Variants in CUBN observed in about 807,000 individuals in gnomAD.
CUBN encodes cubilin.
In CUBN, 282 loss-of-function variants were observed where a neutral mutation model predicts 405.3. The ratio of observed to expected loss-of-function variants is 0.70; its 90% CI spans 0.63 to 0.77. CUBN has a LOEUF of 0.77. Among genes scored for constraint, CUBN ranks in the 30% least tolerant of loss-of-function variants. The pLI, the probability that CUBN is intolerant of heterozygous loss-of-function variation, is 0.00. For missense variants in CUBN, 4,514 were observed against 4,475.2 expected (o/e 1.01, Z -0.25); for synonymous variants, 1,684 against 1,617.0 (o/e 1.04, Z -0.99).
rs750165391 is a variant in CUBN, at chr10:16,825,062, G to A, written c.10785C>T (p.Phe3595=). ...TGAAGACCTGATTTGAGGAAGCCAC[G>A]AAGGGAGCTATGCTGGTGTCCTAAA... ...YCGGDTSIAP[F]VASSNQVFIK... Residue 3595 remains phenylalanine, a synonymous_variant, in exon 67 of 67, where the codon TTC becomes TTT. Coordinates refer to ENST00000377833, the MANE Select transcript of CUBN (RefSeq NM_001081.4). 23 of 1,613,046 alleles carry A rather than the reference G, an allele frequency of 1.4e-5. No homozygotes were observed. The highest frequency in any genetic ancestry group is 1.1e-4 in the East Asian group (5 of 44,856).
chr10:17,090,445 C>T (rs1836229978), intron 14 of CUBN, among the ~76,000 whole-genome samples: 1 of 151,340 alleles, frequency 6.6e-6, no homozygotes. Flanking sequence ...CTACCATGCC[C>T]ATTGATTTGG....
Position 16,901,470 on chromosome 10 carries a change from A to G in CUBN, c.8063-11T>C. On this transcript the variant is annotated splice_polypyrimidine_tract_variant and intron_variant, in intron 51 of 66. Coordinates refer to ENST00000377833, the MANE Select transcript of CUBN (RefSeq NM_001081.4). ...GTATTCCGCCACAATCTGAAATGAG[A>G]TTGGTAACCCTCTCAATAAAACAGA... The G allele has an allele frequency of 6.2e-7, 1 of 1,614,090 alleles. No homozygotes were observed. The highest frequency in any genetic ancestry group is 1.1e-5 in the South Asian group (1 of 91,084).
At chr10:17,011,954 C>A (rs1834198215) in intron 28 of CUBN, among the ~76,000 whole-genome samples, 1 of 152,118 alleles carries the variant, frequency 6.6e-6, no homozygotes, top group South Asian at 2.1e-4. Context: ...AACAGGACAC[C>A]CCAACTGCTG....
At chr10:16,932,469 T>C (rs988816961) in intron 40 of CUBN, among the ~76,000 whole-genome samples, 7 of 151,776 alleles carry the variant, frequency 4.6e-5, no homozygotes, top group Non-Finnish European at 1.0e-4. Context: ...TCTAACTTTA[T>C]GTCACATAGC....
chr10:17,079,886 T>A (rs889772473), intron 17 of CUBN, among the ~76,000 whole-genome samples: 1 of 152,100 alleles, frequency 6.6e-6, no homozygotes, highest in Non-Finnish European at 1.5e-5. Flanking sequence ...TGAATTTGCA[T>A]TCATCTAAAG....
At chr10:16,920,847 T>C (rs1842013829) in intron 43 of CUBN, among the ~76,000 whole-genome samples, 1 of 152,210 alleles carries the variant, frequency 6.6e-6, no homozygotes, top group Non-Finnish European at 1.5e-5. Flanking sequence ...GCCATACACA[T>C]ACTTGATCTG....
At chr10:16,963,351 A>T (rs945794328) in intron 31 of CUBN, among the ~76,000 whole-genome samples, 2 of 151,484 alleles carry the variant, frequency 1.3e-5, no homozygotes, top group African/African-American at 2.4e-5. Flanking sequence ...ACGCCCAGCT[A>T]ATTTTTTGTA....
At chr10:17,087,466 C>CTTCTTTTT (rs1836139876) in intron 15 of CUBN, among the ~76,000 whole-genome samples, 1 of 79,772 alleles carries the variant, frequency 1.3e-5, no homozygotes, top group East Asian at 3.8e-4. Context: ...TATTATTTTT[C>CTTCTTTTT]TTTTTCTTTT....
chr10:16,842,939 C>A (rs1839397751), intron 60 of CUBN, among the ~76,000 whole-genome samples: 2 of 152,202 alleles, frequency 1.3e-5, no homozygotes, highest in African/African-American at 4.8e-5. Flanking sequence ...CTAAGGACTC[C>A]CTGTCATGGG....
chr10:17,110,923 T>C lies in CUBN; in HGVS notation c.1011A>G (p.Pro337=). Residue 337 remains proline (P), a synonymous_variant, in exon 9 of 67, where the codon CCA becomes CCG. Transcript: ENST00000377833. ...GACATTGAACCGAGGCAGCACCTGG[T>C]GGACAGGCCTGGCAGTGGGAAGACC... ...TPGSSHCQAC[P]PGYQGDGRVC... 6.2e-7 allele frequency: 1 copy of C among 1,614,182 alleles called. No homozygotes were observed. The highest frequency in any genetic ancestry group is 8.5e-7 in the Non-Finnish European group (1 of 1,180,022).
At chr10:16,852,092 CCTCT>C (rs1274110951) in intron 59 of CUBN, among the ~76,000 whole-genome samples, 9 of 114,076 alleles carry the variant, frequency 7.9e-5, no homozygotes, top group South Asian at 3.5e-4. Context: ...TCCCTCCCTC[CCTCT>C]ATCTTTCCCT....
Position 17,045,424 on chromosome 10 carries a change from A to G in CUBN, c.3491-236T>C, listed in dbSNP as rs76579751. Among the ~76,000 whole-genome samples the G allele has an allele frequency of 0.079, 11,617 of 146,792 alleles. 631 individuals carry two copies. Among genetic ancestry groups the G allele is most frequent in the East Asian group, 0.26 (1,318 of 5,050 alleles). On this transcript the variant is annotated intron_variant, in intron 24 of 66. Coordinates refer to ENST00000377833, the MANE Select transcript of CUBN (RefSeq NM_001081.4). The stretch of plus-strand genomic sequence containing the variant: ...ACTCAGGCTGGAATGCAACGGCATG[A>G]TCTTGACTCACTGCAATTTCCACCT...
intron 27 of CUBN, among the ~76,000 whole-genome samples, chr10:17,022,950 A>C (rs997335888): frequency 1.3e-5 from 2 of 152,202 alleles, no homozygotes. Context: ...AATCACCCTA[A>C]GCTCGATGTG....
intron 27 of CUBN, among the ~76,000 whole-genome samples, chr10:17,035,751 T>C (rs775220986): frequency 1.4e-4 from 21 of 151,838 alleles, no homozygotes; most frequent in Non-Finnish European, 3.1e-4. Context: ...AACCAAGTAC[T>C]GCATGTTCTC....
rs111509320 is a variant in CUBN at position 17,012,599 on chromosome 10, A to G, written c.4168+7234T>C. Among the ~76,000 whole-genome samples the G allele has an allele frequency of 3.9e-3, 600 of 152,350 alleles. 6 individuals carry two copies. The highest frequency in any genetic ancestry group is 0.014 in the African/African-American group (576 of 41,582). Reference sequence around the variant, plus strand: ...GTAGGATAATGCATGTTACACTGTTAACTTTTAGCAAACTCTACGTTAGTA... The same window carrying G: ...GTAGGATAATGCATGTTACACTGTTGACTTTTAGCAAACTCTACGTTAGTA... On this transcript the variant is annotated intron_variant, in intron 28 of 66. Coordinates refer to ENST00000377833, the MANE Select transcript of CUBN (RefSeq NM_001081.4).
chr10:16,955,374 CAAAAAAAAAAAAAAAA>C lies in CUBN; in HGVS notation c.4696-842_4696-827del, dbSNP rs59365817. ...GGCAACAGAGAGCGAGATTCTGTCT[CAAAAAAAAAAAAAAAA>C]AAAAAAAAAAAAGGAAAAGAAAATT... On this transcript the variant is annotated intron_variant, in intron 31 of 66. Coordinates refer to ENST00000377833, the MANE Select transcript of CUBN (RefSeq NM_001081.4). Among the ~76,000 whole-genome samples the C allele has an allele frequency of 4.4e-5, 3 of 68,858 alleles. 1 individual carries two copies. The highest frequency in any genetic ancestry group is 6.4e-5 in the Non-Finnish European group (2 of 31,464). The allele number at this position is 68,858 out of a possible 152,430, so 45.2% of individuals were successfully genotyped here. A position where few individuals can be genotyped will look rare whatever the true frequency, so the allele number is the denominator to read the frequency against.
intron 44 of CUBN, 122 bp downstream of exon 44, chr10:16,919,841 T>C: frequency 9.1e-7 from 1 of 1,093,276 alleles, no homozygotes; most frequent in African/African-American, 1.6e-5. Flanking sequence ...CATTAAGCAT[T>C]TCCCTTTTCC....
Position 16,952,659 on chromosome 10 carries a change from A to G in CUBN, c.4856-270T>C, listed in dbSNP as rs140873690. Among the ~76,000 whole-genome samples, 113 of 152,330 alleles carry G rather than the reference A, an allele frequency of 7.4e-4. 1 individual carries two copies. The Middle Eastern group carries it at 0.02, about 28-fold the overall frequency. On this transcript the variant is annotated intron_variant, in intron 32 of 66. Transcript: ENST00000377833. ...GTCTATGAATTGCCTAAGTCATTCA[A>G]ACAAAATTCTTGCATGGATTCACTT...
chr10:16,968,405 A>ATATTGC (rs1843461011), intron 31 of CUBN, among the ~76,000 whole-genome samples: 1 of 151,946 alleles, frequency 6.6e-6, no homozygotes, highest in Admixed American at 6.6e-5. Flanking sequence ...GTTACTAATC[A>ATATTGC]TATTGCTTTT....
Sources: gnomAD v4.1 joint callset for allele counts (sites outside exome capture counted in the v4.1 genomes callset) on GRCh38, gnomAD v4.1.1 for gene constraint, MANE v1.5 for transcripts, NCBI Gene and HGNC (gene_info 2026-07-23, HGNC 2026-07-21) for gene names.